Variants in DMD observed in about 807,000 individuals in gnomAD.
DMD encodes dystrophin, also known as mutant dystrophin.
DMD carries 63 observed loss-of-function variants against 330.1 expected under a neutral mutation model. The observed-to-expected ratio is 0.19, with a 90% confidence interval of 0.16 to 0.24. DMD has a LOEUF of 0.24. Ranked by LOEUF, DMD falls within the 10% of genes least tolerant of loss-of-function variation. The pLI, the probability that DMD is intolerant of heterozygous loss-of-function variation, is 1.00. For missense variants in DMD, 3,344 were observed against 2,684.1 expected (o/e 1.25, Z -5.43); for synonymous variants, 1,223 against 959.8 (o/e 1.27, Z -5.07).
chrX:32,898,207 T>A (rs1024678783), intron 2 of DMD, among the ~76,000 whole-genome samples: 7 of 111,983 alleles, frequency 6.3e-5, no homozygotes, highest in African/African-American at 1.9e-4. Context: ...GAAGTCAAAC[T>A]GGGATTCTGA....
At chrX:32,084,687 A>G (rs1034217282) in intron 44 of DMD, among the ~76,000 whole-genome samples, 1 of 111,799 alleles carries the variant, frequency 8.9e-6, no homozygotes, top group Non-Finnish European at 1.9e-5. Context: ...GATACTTAGT[A>G]GCTCAGTTGC....
chrX:32,500,674 T>C (rs927898004), intron 19 of DMD, among the ~76,000 whole-genome samples: 1 of 111,871 alleles, frequency 8.9e-6, no homozygotes, highest in Non-Finnish European at 1.9e-5. Flanking sequence ...GCAACATACA[T>C]CTAAATAAAA....
chrX:31,437,923 G>A (rs1272383890), intron 60 of DMD, among the ~76,000 whole-genome samples: 1 of 106,768 alleles, frequency 9.4e-6, no homozygotes, highest in East Asian at 2.9e-4. Flanking sequence ...TATATATTAC[G>A]CTTACTACAC....
intron 38 of DMD, 49 bp from the exon 39 acceptor site, chrX:32,346,129 G>A (rs1226681707): frequency 6.0e-6 from 7 of 1,165,807 alleles, no homozygotes; most frequent in Non-Finnish European, 7.0e-6. Context: ...TTAAAAAGCT[G>A]TACATTGTTA....
At chrX:31,932,471 C>T (rs2094868725) in intron 45 of DMD, among the ~76,000 whole-genome samples, 1 of 112,044 alleles carries the variant, frequency 8.9e-6, no homozygotes, top group Non-Finnish European at 1.9e-5. Flanking sequence ...CCTGGCCAGG[C>T]GCAGTGGCTC....
At chrX:31,177,559 GTTA>G (rs1422535467) in intron 71 of DMD, among the ~76,000 whole-genome samples, 1 of 111,599 alleles carries the variant, frequency 9.0e-6, no homozygotes, top group African/African-American at 3.2e-5. Flanking sequence ...GCTAAAGAAT[GTTA>G]TTATGTAATC....
At chrX:31,993,979 T>C (rs764585975) in intron 44 of DMD, among the ~76,000 whole-genome samples, 1 of 111,270 alleles carries the variant, frequency 9.0e-6, no homozygotes, top group African/African-American at 3.3e-5. Flanking sequence ...TAGCCCAGCC[T>C]CTGTAAATAA....
At chrX:31,759,301 G>A (rs2149170985) in intron 51 of DMD, among the ~76,000 whole-genome samples, 1 of 105,004 alleles carries the variant, frequency 9.5e-6, no homozygotes, top group Non-Finnish European at 2.0e-5. Context: ...AAAAAAAAAG[G>A]ATAAGAAAAA....
At chrX:32,746,616 A>C (rs188148955) in intron 7 of DMD, among the ~76,000 whole-genome samples, 63 of 112,113 alleles carry the variant, frequency 5.6e-4, no homozygotes, top group African/African-American at 1.8e-3. Context: ...ACAGAGTGAT[A>C]TTTTCCTATA....
chrX:31,882,710 T>C (rs1261753637), intron 47 of DMD, among the ~76,000 whole-genome samples: 2 of 112,281 alleles, frequency 1.8e-5, no homozygotes, highest in Non-Finnish European at 3.8e-5. Context: ...AAGATTTGCA[T>C]AATGACTTCA....
At chrX:32,098,536 AC>A (rs2096523699) in intron 44 of DMD, among the ~76,000 whole-genome samples, 1 of 111,778 alleles carries the variant, frequency 8.9e-6, no homozygotes, top group African/African-American at 3.2e-5. Flanking sequence ...ACATTGGAAA[AC>A]ACTGATGTTT....
chrX:32,116,933 T>C (rs1312299037), intron 44 of DMD, among the ~76,000 whole-genome samples: 2 of 112,015 alleles, frequency 1.8e-5, no homozygotes, highest in Non-Finnish European at 3.8e-5. Context: ...AGCTCCCACA[T>C]ACTTCTCTGA....
chrX:32,369,352 A>T (rs2097864645), intron 34 of DMD, among the ~76,000 whole-genome samples: 1 of 111,375 alleles, frequency 9.0e-6, no homozygotes, highest in Non-Finnish European at 1.9e-5. Flanking sequence ...TGAAGAATAC[A>T]TTCTGATTCA....
At chrX:31,605,347 TA>T (rs1249034020) in intron 55 of DMD, among the ~76,000 whole-genome samples, 2 of 112,167 alleles carry the variant, frequency 1.8e-5, no homozygotes, top group Admixed American at 1.9e-4. Flanking sequence ...TGAATTCAAA[TA>T]ATTCAGGCTA....
At chrX:32,535,876 T>A (rs2047904604) in intron 17 of DMD, among the ~76,000 whole-genome samples, 1 of 111,826 alleles carries the variant, frequency 8.9e-6, no homozygotes, top group Non-Finnish European at 1.9e-5. Flanking sequence ...TGACAAGAAA[T>A]GATTTCTTCC....
At chrX:31,314,524 C>T (rs1287521883) in intron 62 of DMD, among the ~76,000 whole-genome samples, 1 of 110,990 alleles carries the variant, frequency 9.0e-6, no homozygotes. Context: ...CAGTTTCATC[C>T]CCCCAGGAGT....
In DMD at chrX:32,563,319, G is replaced by T. The variant is rs372220087; in HGVS notation, c.1992+2383C>A. ...GATTGTGCCACTGCACTCCAGCCTG[G>T]GTGACACAGTGAGACTCCATCTCAA... On this transcript the variant is annotated intron_variant, in intron 16 of 78. Coordinates refer to ENST00000357033, the MANE Select transcript of DMD (RefSeq NM_004006.3). 3.3e-5 allele frequency among the ~76,000 whole-genome samples: 3 copies of T among 91,059 alleles called. No homozygotes were observed. In the East Asian group the frequency reaches 1.0e-3, roughly 31 times the overall value. The allele number at this position is 91,059 out of a possible 115,157, so 79.1% of individuals were successfully genotyped here.
intron 55 of DMD, among the ~76,000 whole-genome samples, chrX:31,574,466 A>G (rs1004711322): frequency 1.8e-5 from 2 of 111,371 alleles, no homozygotes; most frequent in African/African-American, 6.5e-5. Flanking sequence ...TTTAAGTTAA[A>G]CATAGAAATA....
intron 28 of DMD, among the ~76,000 whole-genome samples, chrX:32,439,020 A>G (rs1329802366): frequency 1.8e-5 from 2 of 111,401 alleles, no homozygotes; most frequent in African/African-American, 6.5e-5. Flanking sequence ...ACATCCCAAT[A>G]ATACCCATCT....
Sources: gnomAD v4.1 joint callset for allele counts (sites outside exome capture counted in the v4.1 genomes callset) on GRCh38, gnomAD v4.1.1 for gene constraint, MANE v1.5 for transcripts, NCBI Gene and HGNC (gene_info 2026-07-23, HGNC 2026-07-21) for gene names.